Variants in CDH4 observed in about 807,000 individuals in gnomAD.
The protein encoded by CDH4 is cadherin 4.
A neutral mutation model predicts 86.0 loss-of-function variants in CDH4; 33 were observed. That is an observed-to-expected ratio of 0.38 (90% confidence interval 0.29 to 0.51). The LOEUF is 0.51. Ranked by LOEUF, CDH4 falls within the 20% of genes least tolerant of loss-of-function variation. The pLI is 0.86. For missense variants in CDH4, 1,114 were observed against 1,307.4 expected (o/e 0.85, Z 2.28); for synonymous variants, 555 against 549.4 (o/e 1.01, Z -0.14).
chr20:61,929,748 C>T lies in CDH4; in HGVS notation c.2145C>T (p.Asp715=). Reference sequence around the variant, plus strand: ...AAGTCAAGGTGTGCCCATGTGATGACAACGGGGACTGCACCACCATTGGCG... The same window carrying T: ...AAGTCAAGGTGTGCCCATGTGATGATAACGGGGACTGCACCACCATTGGCG... ...IIKVKVCPCD[D]NGDCTTIGAV... is the part of the protein sequence containing the mutation. The change falls in exon 13 of 16, where the codon GAC becomes GAT. Residue 715 remains aspartate, a synonymous_variant. Coordinates refer to ENST00000614565, the MANE Select transcript of CDH4 (RefSeq NM_001794.5). 1 of 1,614,198 alleles carries T rather than the reference C, an allele frequency of 6.2e-7. No individual in the cohort carries two copies. The highest frequency in any genetic ancestry group is 8.5e-7 in the Non-Finnish European group (1 of 1,180,044).
At chr20:61,621,407 G>A (rs902573011) in intron 2 of CDH4, among the ~76,000 whole-genome samples, 2 of 152,202 alleles carry the variant, frequency 1.3e-5, no homozygotes, top group Admixed American at 1.3e-4. Context: ...ATTGCAAAGC[G>A]AGAACCCAGA....
At chr20:61,856,918 G>A (rs1169752441) in intron 6 of CDH4, among the ~76,000 whole-genome samples, 1 of 152,236 alleles carries the variant, frequency 6.6e-6, no homozygotes, top group African/African-American at 2.4e-5. Flanking sequence ...TGGCTGAGAT[G>A]TGTTTCCAGA....
At chr20:61,599,824 C>T (rs1010993127) in intron 2 of CDH4, 1 of 985,618 alleles carries the variant, frequency 1.0e-6, no homozygotes, top group Non-Finnish European at 1.2e-6. Context: ...TTTCCTGTTC[C>T]TGGTTGAAGC....
At position 61,329,860 on chromosome 20, in the gene CDH4, C is replaced by T. The variant is rs181116277; in HGVS notation, c.169+74923C>T. ...TCTCCCTCCCCCCCACCCCATCCCCCGACAGGCCCCAGTGTATGTTGTTCC... is the reference window on the plus strand; with the variant it reads ...TCTCCCTCCCCCCCACCCCATCCCCTGACAGGCCCCAGTGTATGTTGTTCC... On this transcript the variant is annotated intron_variant, in intron 2 of 15. Coordinates refer to ENST00000614565, the MANE Select transcript of CDH4 (RefSeq NM_001794.5). 3.8e-3 allele frequency among the ~76,000 whole-genome samples: 460 copies of T among 121,110 alleles called. 1 individual carries two copies. The highest frequency in any genetic ancestry group is 6.0e-3 in the Non-Finnish European group (333 of 55,800). The allele number at this position is 121,110 out of a possible 152,430, so 79.5% of individuals were successfully genotyped here. A position where few individuals can be genotyped will look rare whatever the true frequency, so the allele number is the denominator to read the frequency against.
At chr20:61,819,439 C>A (rs1197843740) in intron 4 of CDH4, among the ~76,000 whole-genome samples, 6 of 152,140 alleles carry the variant, frequency 3.9e-5, no homozygotes, top group Non-Finnish European at 7.3e-5. Flanking sequence ...TCCATGCATT[C>A]GCATTCTGCA....
chr20:61,826,485 A>G (rs554009882), intron 4 of CDH4, among the ~76,000 whole-genome samples: 2 of 152,294 alleles, frequency 1.3e-5, no homozygotes, highest in African/African-American at 2.4e-5. Flanking sequence ...AACCATGTCT[A>G]TGAGAACAGC....
chr20:61,329,987 T>G (rs753122857), intron 2 of CDH4, among the ~76,000 whole-genome samples: 11 of 152,150 alleles, frequency 7.2e-5, no homozygotes, highest in Non-Finnish European at 1.3e-4. Context: ...GGCTTCTGGC[T>G]CCATCCATGT....
intron 9 of CDH4, among the ~76,000 whole-genome samples, chr20:61,911,672 G>C: frequency 6.7e-6 from 1 of 150,134 alleles, no homozygotes; most frequent in East Asian, 1.9e-4. Context: ...TGAGCTTAAA[G>C]CTGGATAGGA....
At chr20:61,297,200 A>G (rs2084359965) in intron 2 of CDH4, among the ~76,000 whole-genome samples, 1 of 152,166 alleles carries the variant, frequency 6.6e-6, no homozygotes, top group African/African-American at 2.4e-5. Context: ...AGCCTGGCCA[A>G]CGTGGCAAAA....
At chr20:61,284,434 G>T (rs17204200) in intron 2 of CDH4, among the ~76,000 whole-genome samples, 1 of 152,092 alleles carries the variant, frequency 6.6e-6, no homozygotes, top group Admixed American at 6.5e-5. Context: ...CTGGGGCATC[G>T]GACATCTCTC....
chr20:61,352,493 G>A (rs2084718517), intron 2 of CDH4, among the ~76,000 whole-genome samples: 2 of 152,316 alleles, frequency 1.3e-5, no homozygotes, highest in Non-Finnish European at 2.9e-5. Context: ...ACTGGCCCCC[G>A]TGCCTGCCAG....
intron 7 of CDH4, among the ~76,000 whole-genome samples, chr20:61,874,323 G>C (rs1275400878): frequency 6.6e-6 from 1 of 152,262 alleles, no homozygotes; most frequent in African/African-American, 2.4e-5. Context: ...AGGCTGCGGC[G>C]GCCTGGCTGT....
chr20:61,639,475 G>T (rs2086982512), intron 2 of CDH4, among the ~76,000 whole-genome samples: 1 of 152,212 alleles, frequency 6.6e-6, no homozygotes, highest in African/African-American at 2.4e-5. Context: ...AATGTTCAAT[G>T]CTTACAGTTC....
intron 2 of CDH4, among the ~76,000 whole-genome samples, chr20:61,404,125 A>G (rs933476124): frequency 3.0e-5 from 4 of 132,068 alleles, no homozygotes; most frequent in South Asian, 2.2e-4. Context: ...GGTGCAGCTG[A>G]GCTGGTGCAG....
intron 2 of CDH4, among the ~76,000 whole-genome samples, chr20:61,710,487 T>C (rs1432533174): frequency 6.6e-6 from 1 of 152,234 alleles, no homozygotes; most frequent in Admixed American, 6.5e-5. Context: ...GAGCTTCAGA[T>C]GCACGTTCCC....
At chr20:61,701,691 G>T (rs1189196772) in intron 2 of CDH4, among the ~76,000 whole-genome samples, 1 of 152,254 alleles carries the variant, frequency 6.6e-6, no homozygotes, top group East Asian at 1.9e-4. Context: ...CAGGCCTCCA[G>T]CGCTGGTAGC....
At chr20:61,422,632 A>T (rs2145504309) in intron 2 of CDH4, among the ~76,000 whole-genome samples, 1 of 152,252 alleles carries the variant, frequency 6.6e-6, no homozygotes, top group African/African-American at 2.4e-5. Context: ...GAGCGCAACC[A>T]TGCAGGAGAA....
chr20:61,499,589 A>T, intron 2 of CDH4: 3 of 1,135,932 alleles, frequency 2.6e-6, no homozygotes, highest in Non-Finnish European at 3.5e-6. Context: ...CTGAGGTCAC[A>T]CAGGGAGGAG....
intron 2 of CDH4, among the ~76,000 whole-genome samples, chr20:61,426,386 A>C (rs1172133314): frequency 1.3e-5 from 2 of 152,212 alleles, no homozygotes; most frequent in African/African-American, 4.8e-5. Context: ...TAGGCACTGC[A>C]TTCGGGTGGC....
Sources: gnomAD v4.1 joint callset for allele counts (sites outside exome capture counted in the v4.1 genomes callset) on GRCh38, gnomAD v4.1.1 for gene constraint, MANE v1.5 for transcripts, NCBI Gene and HGNC (gene_info 2026-07-23, HGNC 2026-07-21) for gene names.